BTBD9: variants seen among roughly 807,000 people sequenced by gnomAD.
BTBD9 encodes the protein BTB/POZ domain-containing protein 9.
BTBD9 carries 49 observed loss-of-function variants against 64.3 expected under a neutral mutation model. That is an observed-to-expected ratio of 0.76 (90% CI 0.61 to 0.97). The LOEUF is 0.97. BTBD9 is among the 50% of genes least tolerant of loss of function. The probability of loss-of-function intolerance (pLI) is 0.00; values close to 1 mark genes in which losing one functional copy is unlikely to be tolerated. For synonymous variants in BTBD9, 260 were observed against 274.7 expected, an observed-to-expected ratio of 0.95 and a Z score of 0.53; for missense variants, 598 against 762.1, an observed-to-expected ratio of 0.78 and a Z score of 2.53.
chr6:38,382,946 G>A (rs1237019652), intron 6 of BTBD9, among the ~76,000 whole-genome samples: 1 of 152,074 alleles, frequency 6.6e-6, no homozygotes, highest in African/African-American at 2.4e-5. Flanking sequence ...AGTTTTATAG[G>A]TGAATTCTAC....
At chr6:38,527,028 C>G (rs1773530451) in intron 6 of BTBD9, among the ~76,000 whole-genome samples, 1 of 151,964 alleles carries the variant, frequency 6.6e-6, no homozygotes, top group African/African-American at 2.4e-5. Flanking sequence ...GTAATCTTAG[C>G]ACTTCGGGAG....
At chr6:38,309,841 AT>A (rs1305599315) in intron 7 of BTBD9, among the ~76,000 whole-genome samples, 2 of 151,962 alleles carry the variant, frequency 1.3e-5, no homozygotes, top group Non-Finnish European at 2.9e-5. Flanking sequence ...TAACTATAAA[AT>A]TTGATTTTTT....
intron 4 of BTBD9, among the ~76,000 whole-genome samples, chr6:38,586,253 AGTT>A (rs1471830952): frequency 2.6e-5 from 4 of 152,194 alleles, no homozygotes; most frequent in Non-Finnish European, 5.9e-5. Flanking sequence ...AGGTACAGGT[AGTT>A]CAAATATCCT....
At chr6:38,410,429 C>T (rs1297668956) in intron 6 of BTBD9, among the ~76,000 whole-genome samples, 2 of 152,000 alleles carry the variant, frequency 1.3e-5, no homozygotes, top group East Asian at 3.9e-4. Context: ...GCCGTGACCA[C>T]ACTACTGCAC....
intron 6 of BTBD9, among the ~76,000 whole-genome samples, chr6:38,368,050 G>A (rs1765253909): frequency 6.6e-6 from 1 of 152,136 alleles, no homozygotes; most frequent in African/African-American, 2.4e-5. Context: ...GACACTAACA[G>A]TAAAACAGAA....
intron 4 of BTBD9, among the ~76,000 whole-genome samples, chr6:38,581,731 T>C (rs1776291169): frequency 1.3e-5 from 2 of 152,210 alleles, no homozygotes; most frequent in South Asian, 2.1e-4. Context: ...TTTCCCTCTC[T>C]CAACTTCCAT....
intron 1 of BTBD9, among the ~76,000 whole-genome samples, chr6:38,613,220 C>T: frequency 6.6e-6 from 1 of 152,182 alleles, no homozygotes. Flanking sequence ...TTTAAAATTA[C>T]ATACAAGGCT....
chr6:38,271,208 C>T (rs1166806473), intron 8 of BTBD9, among the ~76,000 whole-genome samples: 1 of 152,088 alleles, frequency 6.6e-6, no homozygotes, highest in East Asian at 1.9e-4. Flanking sequence ...AGTAGAAATG[C>T]TCTTCTGAGG....
intron 6 of BTBD9, among the ~76,000 whole-genome samples, chr6:38,523,597 C>G (rs77744270): frequency 0.015 from 2,254 of 152,260 alleles, 40 homozygotes; most frequent in African/African-American, 0.051. Flanking sequence ...AGGTCTCTCC[C>G]CTCCTCTAAG....
At chr6:38,610,348 G>A (rs181324876) in intron 1 of BTBD9, among the ~76,000 whole-genome samples, 149 of 152,264 alleles carry the variant, frequency 9.8e-4, no homozygotes, top group African/African-American at 3.1e-3. Context: ...CAACCCATAC[G>A]CGCTGTGGAT....
intron 6 of BTBD9, among the ~76,000 whole-genome samples, chr6:38,371,445 G>C (rs537245577): frequency 6.6e-6 from 1 of 152,302 alleles, no homozygotes; most frequent in African/African-American, 2.4e-5. Flanking sequence ...AGGGTAGACC[G>C]TGAGCCTTCC....
chr6:38,455,310 G>A (rs1485677699), intron 6 of BTBD9, among the ~76,000 whole-genome samples: 1 of 152,134 alleles, frequency 6.6e-6, no homozygotes, highest in Non-Finnish European at 1.5e-5. Context: ...GGCAAACACT[G>A]ATCTGCTTTC....
chr6:38,212,268 G>A (rs1246007918), intron 9 of BTBD9, among the ~76,000 whole-genome samples: 3 of 152,152 alleles, frequency 2.0e-5, no homozygotes, highest in Non-Finnish European at 4.4e-5. Context: ...AGAGTGAGGT[G>A]GACGCAACAC....
At chr6:38,401,522 G>A (rs1406337544) in intron 6 of BTBD9, among the ~76,000 whole-genome samples, 1 of 152,122 alleles carries the variant, frequency 6.6e-6, no homozygotes, top group Non-Finnish European at 1.5e-5. Flanking sequence ...AGGATCCTTT[G>A]AAATTAAAAT....
At chr6:38,488,997 G>A (rs968609843) in intron 6 of BTBD9, among the ~76,000 whole-genome samples, 7 of 151,348 alleles carry the variant, frequency 4.6e-5, no homozygotes, top group African/African-American at 9.7e-5. Flanking sequence ...CCAGGCTCAC[G>A]GGATCCTCCT....
At chr6:38,367,210 T>C (rs1173894373) in intron 6 of BTBD9, among the ~76,000 whole-genome samples, 1 of 152,242 alleles carries the variant, frequency 6.6e-6, no homozygotes, top group African/African-American at 2.4e-5. Flanking sequence ...GGCCTATAAT[T>C]TACATTAAAA....
Position 38,287,082 on chromosome 6 carries a change from C to CAAAAAAAAA in BTBD9, c.1454+1181_1454+1189dup, listed in dbSNP as rs60618390. Among the ~76,000 whole-genome samples, 6 of 25,368 alleles carry CAAAAAAAAA rather than the reference C, an allele frequency of 2.4e-4. 1 individual carries two copies. Among genetic ancestry groups the CAAAAAAAAA allele is most frequent in the East Asian group, 1.5e-3 (1 of 678 alleles). 16.6% of individuals were successfully genotyped at this position (25,368 alleles called of 152,430 possible). ...GGGTGACAATAGTGAGGCTCCATCT[C>CAAAAAAAAA]AAAAAAAAAAAAAAAAAAAAAAAAT... On this transcript the variant is annotated intron_variant, in intron 8 of 10. Coordinates refer to ENST00000481247, the MANE Select transcript of BTBD9 (RefSeq NM_001099272.2).
chr6:38,589,852 G>A (rs1304117309), intron 4 of BTBD9, among the ~76,000 whole-genome samples: 1 of 152,130 alleles, frequency 6.6e-6, no homozygotes, highest in Non-Finnish European at 1.5e-5. Flanking sequence ...TCCTCCGGTT[G>A]TCCTCTGTAA....
intron 7 of BTBD9, among the ~76,000 whole-genome samples, chr6:38,343,978 A>C (rs1385262786): frequency 6.6e-6 from 1 of 152,222 alleles, no homozygotes; most frequent in Non-Finnish European, 1.5e-5. Context: ...CAGTATGGAC[A>C]TGTGTGCCAA....
Sources: allele counts gnomAD v4.1 joint callset (sites outside exome capture counted in the v4.1 genomes callset), GRCh38; gene constraint gnomAD v4.1.1; transcripts MANE v1.5; gene names NCBI Gene and HGNC (gene_info 2026-07-23, HGNC 2026-07-21).